LRP1B: variants seen among roughly 807,000 people sequenced by gnomAD.
LRP1B encodes low-density lipoprotein receptor-related protein 1B.
Under a neutral mutation model 556.6 loss-of-function variants are expected in LRP1B, and 217 were observed. That is an observed-to-expected ratio of 0.39 (90% confidence interval 0.35 to 0.44). LRP1B has a LOEUF of 0.44. Among genes scored for constraint, LRP1B ranks in the 20% least tolerant of loss-of-function variants. The pLI is 1.00. For missense variants in LRP1B, 5,053 were observed against 5,620.8 expected, an observed-to-expected ratio of 0.90 and a Z score of 3.23; for synonymous variants, 2,047 against 1,865.8, an observed-to-expected ratio of 1.10 and a Z score of -2.50.
At chr2:140,700,733 T>TTC in intron 40 of LRP1B, 112 bp from the exon 41 acceptor site, 1 of 1,124,534 alleles carries the variant, frequency 8.9e-7, no homozygotes, top group Non-Finnish European at 1.3e-6. Flanking sequence ...ATTCTCTTTT[T>TTC]GCTCTTAATT....
intron 41 of LRP1B, among the ~76,000 whole-genome samples, chr2:140,602,848 T>C (rs1286103269): frequency 6.6e-6 from 1 of 152,028 alleles, no homozygotes; most frequent in East Asian, 1.9e-4. Flanking sequence ...CTGCTTTTCA[T>C]ACATCATTTT....
At chr2:140,286,722 C>T (rs1683166871) in intron 84 of LRP1B, among the ~76,000 whole-genome samples, 1 of 151,816 alleles carries the variant, frequency 6.6e-6, no homozygotes. Flanking sequence ...AGTGAAGCAT[C>T]TGATGCTATA....
chr2:141,470,766 A>G (rs765914230), intron 3 of LRP1B, among the ~76,000 whole-genome samples: 2 of 152,198 alleles, frequency 1.3e-5, no homozygotes, highest in Non-Finnish European at 2.9e-5. Context: ...GTTGAGGTCG[A>G]GTAGAGAGCT....
intron 3 of LRP1B, among the ~76,000 whole-genome samples, chr2:141,436,818 C>T (rs1680783775): frequency 6.6e-6 from 1 of 152,090 alleles, no homozygotes; most frequent in African/African-American, 2.4e-5. Context: ...TTTATACTGG[C>T]AGCATTTCAT....
chr2:140,663,622 T>G (rs746805317), intron 41 of LRP1B, among the ~76,000 whole-genome samples: 1 of 152,196 alleles, frequency 6.6e-6, no homozygotes, highest in Non-Finnish European at 1.5e-5. Flanking sequence ...AGGTTTTAGT[T>G]TATGGGAATG....
intron 41 of LRP1B, among the ~76,000 whole-genome samples, chr2:140,615,909 A>C (rs763638413): frequency 2.6e-5 from 4 of 152,090 alleles, no homozygotes; most frequent in Non-Finnish European, 5.9e-5. Flanking sequence ...GAATACAGAA[A>C]ATAGTCTCTA....
At chr2:141,110,718 G>A (rs558612402) in intron 7 of LRP1B, among the ~76,000 whole-genome samples, 4 of 151,956 alleles carry the variant, frequency 2.6e-5, no homozygotes, top group South Asian at 2.1e-4. Context: ...GGGAATGTAC[G>A]ATAGTTTCAC....
At chr2:140,829,499 CAT>C (rs1240235559) in intron 31 of LRP1B, among the ~76,000 whole-genome samples, 1 of 152,116 alleles carries the variant, frequency 6.6e-6, no homozygotes, top group Non-Finnish European at 1.5e-5. Context: ...AATACAAACA[CAT>C]GACAATTAAA....
At chr2:141,959,289 A>G (rs1180582463) in intron 1 of LRP1B, among the ~76,000 whole-genome samples, 6 of 151,952 alleles carry the variant, frequency 3.9e-5, no homozygotes, top group Non-Finnish European at 1.5e-5. Context: ...TTTCCTTACT[A>G]CTATGTCAAG....
chr2:141,018,977 C>A (rs1009418617), intron 12 of LRP1B, among the ~76,000 whole-genome samples: 1 of 151,780 alleles, frequency 6.6e-6, no homozygotes, highest in Non-Finnish European at 1.5e-5. Flanking sequence ...TGTATGTGTG[C>A]AGTAAAGTGT....
At chr2:141,207,541 T>C (rs1015755892) in intron 6 of LRP1B, among the ~76,000 whole-genome samples, 1 of 152,204 alleles carries the variant, frequency 6.6e-6, no homozygotes, top group Non-Finnish European at 1.5e-5. Flanking sequence ...AAAATGGTAT[T>C]TACCAACAAC....
chr2:140,519,411 T>C (rs901388247), intron 49 of LRP1B, among the ~76,000 whole-genome samples: 2 of 152,128 alleles, frequency 1.3e-5, no homozygotes, highest in Non-Finnish European at 2.9e-5. Context: ...TAGCCATATG[T>C]GGAAAGCTGA....
intron 66 of LRP1B, among the ~76,000 whole-genome samples, chr2:140,424,075 T>G (rs907585080): frequency 2.0e-5 from 3 of 152,192 alleles, no homozygotes; most frequent in African/African-American, 4.8e-5. Flanking sequence ...TTAGTCTGTA[T>G]TGACAAAATC....
chr2:140,544,119 A>G (rs1298058491), intron 43 of LRP1B, among the ~76,000 whole-genome samples: 1 of 151,990 alleles, frequency 6.6e-6, no homozygotes, highest in Non-Finnish European at 1.5e-5. Flanking sequence ...AAACATTTAT[A>G]TTCCTTTAAT....
At chr2:140,971,904 C>T (rs557617515) in intron 18 of LRP1B, among the ~76,000 whole-genome samples, 128 of 152,298 alleles carry the variant, frequency 8.4e-4, no homozygotes, top group African/African-American at 3.0e-3. Flanking sequence ...CCAAGACCTA[C>T]TGAATGAAAA....
At chr2:142,103,437 T>C (rs764892166) in intron 1 of LRP1B, among the ~76,000 whole-genome samples, 2 of 151,970 alleles carry the variant, frequency 1.3e-5, no homozygotes, top group African/African-American at 4.8e-5. Flanking sequence ...CCTAGTTTTA[T>C]AATGGGCATT....
intron 6 of LRP1B, among the ~76,000 whole-genome samples, chr2:141,203,130 A>T (rs1358870439): frequency 1.3e-5 from 2 of 152,192 alleles, no homozygotes; most frequent in Non-Finnish European, 2.9e-5. Flanking sequence ...AACTACATCA[A>T]CTAAGGAGGA....
At chr2:140,267,679 T>TGTG (rs1353415870) in intron 86 of LRP1B, among the ~76,000 whole-genome samples, 2 of 151,814 alleles carry the variant, frequency 1.3e-5, no homozygotes, top group African/African-American at 2.4e-5. Flanking sequence ...AACCCACGAA[T>TGTG]GTGGAGTGTG....
At chr2:141,277,781 C>T (rs1224012554) in intron 3 of LRP1B, among the ~76,000 whole-genome samples, 1 of 150,690 alleles carries the variant, frequency 6.6e-6, no homozygotes, top group Admixed American at 6.6e-5. Flanking sequence ...TCACACAATC[C>T]AATTATTATT....
Sources: allele counts gnomAD v4.1 joint callset (sites outside exome capture counted in the v4.1 genomes callset), GRCh38; gene constraint gnomAD v4.1.1; transcripts MANE v1.5; gene names NCBI Gene and HGNC (gene_info 2026-07-23, HGNC 2026-07-21).